Variants in DPP6 observed in about 807,000 individuals in gnomAD.
DPP6 encodes the protein A-type potassium channel modulatory protein DPP6.
A neutral mutation model predicts 122.6 loss-of-function variants in DPP6; 69 were observed. That is an observed-to-expected ratio of 0.56 (90% CI 0.46 to 0.69). The LOEUF is 0.69. DPP6 is among the 30% of genes least tolerant of loss of function. The pLI, the probability that DPP6 is intolerant of heterozygous loss-of-function variation, is 0.00. For missense variants in DPP6, 928 were observed against 1,116.9 expected (o/e 0.83, Z 2.41); for synonymous variants, 418 against 433.1 (o/e 0.97, Z 0.43).
At chr7:154,540,338 G>A (rs1239410245) in intron 3 of DPP6, among the ~76,000 whole-genome samples, 194 bp from the exon 4 acceptor site, 1 of 152,192 alleles carries the variant, frequency 6.6e-6, no homozygotes, top group East Asian at 1.9e-4. Context: ...AATGTGTAAA[G>A]TAGGAGAGAA....
chr7:154,024,846 C>G (rs1031198758), intron 1 of DPP6, among the ~76,000 whole-genome samples: 2 of 152,154 alleles, frequency 1.3e-5, no homozygotes, highest in African/African-American at 4.8e-5. Flanking sequence ...GTAAGATGCA[C>G]CAGGCTGATA....
intron 10 of DPP6, among the ~76,000 whole-genome samples, chr7:154,781,520 C>T (rs1054933097): frequency 6.6e-6 from 1 of 152,114 alleles, no homozygotes; most frequent in African/African-American, 2.4e-5. Flanking sequence ...TGTCTTAAGT[C>T]GTCACTTTTC....
At chr7:154,021,439 C>T (rs752704731) in intron 1 of DPP6, among the ~76,000 whole-genome samples, 2 of 152,158 alleles carry the variant, frequency 1.3e-5, no homozygotes, top group Non-Finnish European at 2.9e-5. Flanking sequence ...GGAGAAGAGG[C>T]CTTTGTGCCA....
At chr7:154,865,108 C>CCAGA (rs1251119683) in intron 17 of DPP6, among the ~76,000 whole-genome samples, 1 of 152,178 alleles carries the variant, frequency 6.6e-6, no homozygotes, top group African/African-American at 2.4e-5. Context: ...ATTTGGCCAT[C>CCAGA]CAGACAGGCT....
chr7:153,879,311 G>C, the DPP6 span, among the ~76,000 whole-genome samples: 1 of 152,130 alleles, frequency 6.6e-6, no homozygotes, highest in Non-Finnish European at 1.5e-5. Flanking sequence ...TGGGGGTAGA[G>C]GGAGAGGGAG....
intron 1 of DPP6, among the ~76,000 whole-genome samples, chr7:154,045,201 TA>T (rs11381417): frequency 1.1e-4 from 15 of 141,408 alleles, no homozygotes; most frequent in African/African-American, 1.3e-4. Context: ...TTAGAAAAGA[TA>T]AAAAAAAAAA....
intron 1 of DPP6, among the ~76,000 whole-genome samples, chr7:154,071,874 G>GA (rs1334519130): frequency 6.6e-6 from 1 of 152,144 alleles, no homozygotes; most frequent in Non-Finnish European, 1.5e-5. Flanking sequence ...TGATACAAGG[G>GA]AAAAATGCAG....
chr7:154,745,188 T>C (rs1587003922), intron 8 of DPP6, among the ~76,000 whole-genome samples: 1 of 152,324 alleles, frequency 6.6e-6, no homozygotes, highest in East Asian at 1.9e-4. Flanking sequence ...TGCCCTCTCC[T>C]GTCCTGTGAT....
At chr7:154,019,272 C>T (rs1421009887) in intron 1 of DPP6, among the ~76,000 whole-genome samples, 2 of 152,030 alleles carry the variant, frequency 1.3e-5, no homozygotes, top group African/African-American at 2.4e-5. Flanking sequence ...AACAAATATC[C>T]TGTCTAAAGC....
intron 15 of DPP6, 40 bp downstream of exon 15, chr7:154,805,004 A>C (rs1467703042): frequency 6.4e-7 from 1 of 1,571,184 alleles, no homozygotes; most frequent in African/African-American, 1.3e-5. Flanking sequence ...TCTCCCCCTT[A>C]GGAGGGCATC....
chr7:154,079,818 C>T (rs533454082), intron 1 of DPP6, among the ~76,000 whole-genome samples: 19 of 151,960 alleles, frequency 1.3e-4, no homozygotes, highest in African/African-American at 3.6e-4. Flanking sequence ...TATTCTTGCC[C>T]CGCTCTGCTC....
chr7:154,109,633 T>A (rs1416277063), intron 1 of DPP6, among the ~76,000 whole-genome samples: 4 of 152,154 alleles, frequency 2.6e-5, no homozygotes, highest in South Asian at 2.1e-4. Flanking sequence ...ATAGTTTTTT[T>A]AAAAAGCTGC....
At chr7:154,682,323 G>C (rs1160279869) in intron 7 of DPP6, among the ~76,000 whole-genome samples, 1 of 152,234 alleles carries the variant, frequency 6.6e-6, no homozygotes, top group Non-Finnish European at 1.5e-5. Context: ...ACTCAACAAG[G>C]CGAAAGGACC....
At chr7:154,391,482 C>T (rs925790472) in intron 1 of DPP6, among the ~76,000 whole-genome samples, 5 of 152,112 alleles carry the variant, frequency 3.3e-5, no homozygotes, top group South Asian at 4.1e-4. Flanking sequence ...CTTTCCAGAC[C>T]CAAATTCAGC....
At position 154,170,191 on chromosome 7, in the gene DPP6, G is replaced by A. The variant is rs551190300; in HGVS notation, c.243+117128G>A. Among the ~76,000 whole-genome samples, 10 of 152,228 alleles carry A rather than the reference G, an allele frequency of 6.6e-5. No individual in the cohort carries two copies. In the East Asian group the frequency reaches 9.7e-4, roughly 15 times the overall value. On this transcript the variant is annotated intron_variant, in intron 1 of 25. Transcript: ENST00000377770. ...GGCTCTGATCAAAGCCACCCTTGCCGCAGCTGACCCAGCAGCCTGCCCAGC... is the reference window on the plus strand; with the variant it reads ...GGCTCTGATCAAAGCCACCCTTGCCACAGCTGACCCAGCAGCCTGCCCAGC...
chr7:153,762,285 G>T, the DPP6 span, among the ~76,000 whole-genome samples: 2 of 152,142 alleles, frequency 1.3e-5, no homozygotes, highest in Admixed American at 6.5e-5. Flanking sequence ...AAAAGCCTGA[G>T]AAATCATAAA....
chr7:154,891,384 C>G (rs531848152), intron 25 of DPP6, among the ~76,000 whole-genome samples: 2 of 152,288 alleles, frequency 1.3e-5, no homozygotes, highest in South Asian at 4.2e-4. Context: ...AGCCCACATT[C>G]CAGGCCTCAT....
intron 1 of DPP6, among the ~76,000 whole-genome samples, chr7:153,996,966 A>C (rs1373032878): frequency 6.6e-6 from 1 of 152,178 alleles, no homozygotes; most frequent in African/African-American, 2.4e-5. Context: ...ACTAAAATAA[A>C]TGACAAGGCA....
chr7:154,622,004 G>T (rs1834718590), intron 5 of DPP6, among the ~76,000 whole-genome samples: 1 of 152,140 alleles, frequency 6.6e-6, no homozygotes, highest in African/African-American at 2.4e-5. Flanking sequence ...TTCCCCCAAT[G>T]ATTGCTTATT....
Sources: gnomAD v4.1 joint callset for allele counts (sites outside exome capture counted in the v4.1 genomes callset) on GRCh38, gnomAD v4.1.1 for gene constraint, MANE v1.5 for transcripts, NCBI Gene and HGNC (gene_info 2026-07-23, HGNC 2026-07-21) for gene names.